The following GCNT4 variants were observed in gnomAD, a reference collection of about 807,000 sequenced individuals.
The protein encoded by GCNT4 is beta-1,3-galactosyl-O-glycosyl-glycoprotein beta-1,6-N-acetylglucosaminyltransferase 4.
GCNT4 carries 17 observed loss-of-function variants against 31.3 expected under a neutral mutation model. That is an observed-to-expected ratio of 0.54 (90% CI 0.37 to 0.81). GCNT4 has a LOEUF of 0.81. GCNT4 is among the 40% of genes least tolerant of loss of function. GCNT4 has a pLI of 0.00. For missense variants in GCNT4, 503 were observed against 525.5 expected (o/e 0.96, Z 0.42); for synonymous variants, 158 against 190.6 (o/e 0.83, Z 1.41).
intron 2 of GCNT4, among the ~76,000 whole-genome samples, chr5:75,050,906 G>A (rs1031911106): frequency 3.9e-5 from 6 of 152,232 alleles, no homozygotes; most frequent in African/African-American, 1.4e-4. Flanking sequence ...CATTCTCCAC[G>A]GGGCAGCTGG....
Position 75,029,202 on chromosome 5 carries a change from A to ACAT in GCNT4, c.833_835dup (p.Tyr278_Val279insAsp). On this transcript the variant is annotated inframe_insertion, in exon 4 of 4. Transcript: ENST00000652361. Reference sequence around the variant, plus strand: ...GATGTTTGTCCTTATTGGTAGCTTCACATATTCATAAGGCACCCGTCTAAG... The same window carrying ACAT: ...GATGTTTGTCCTTATTGGTAGCTTCACATCATATTCATAAGGCACCCGTCTAAG... The ACAT allele has an allele frequency of 6.2e-7, 1 of 1,613,990 alleles. No homozygotes were observed.
chr5:75,033,186 C>T (rs989351621), intron 3 of GCNT4, among the ~76,000 whole-genome samples: 1 of 152,202 alleles, frequency 6.6e-6, no homozygotes, highest in African/African-American at 2.4e-5. Context: ...AAGACAAAGG[C>T]CAGCTCCCTG....
Position 75,028,487 on chromosome 5 carries a change from TA to T in GCNT4, c.*188del. 1.8e-6 allele frequency: 1 copy of T among 565,936 alleles called. No individual in the cohort carries two copies. The highest frequency in any genetic ancestry group is 3.0e-6 in the Non-Finnish European group (1 of 332,518). 35.1% of individuals were successfully genotyped at this position (565,936 alleles called of 1,614,324 possible). A position where few individuals can be genotyped will look rare whatever the true frequency, so the allele number is the denominator to read the frequency against. On this transcript the variant is annotated 3_prime_UTR_variant, in exon 4 of 4. Transcript: ENST00000652361. ...TGAGATTACAAGCAAAAACAAATAT[TA>T]AAAAAACCTAGCCAACTGCAGGCTA...
At chr5:75,033,262 G>A (rs1439617911) in intron 3 of GCNT4, among the ~76,000 whole-genome samples, 1 of 152,184 alleles carries the variant, frequency 6.6e-6, no homozygotes, top group African/African-American at 2.4e-5. Context: ...AGAAGGCCTG[G>A]GGCACACACA....
intron 3 of GCNT4, among the ~76,000 whole-genome samples, chr5:75,043,195 T>G (rs62369189): frequency 1.3e-5 from 2 of 152,204 alleles, no homozygotes; most frequent in Non-Finnish European, 2.9e-5. Flanking sequence ...ATGTCAACTG[T>G]ATACAAAGCA....
chr5:75,040,443 G>C (rs1692131976), intron 3 of GCNT4, among the ~76,000 whole-genome samples: 1 of 152,182 alleles, frequency 6.6e-6, no homozygotes, highest in Admixed American at 6.5e-5. Context: ...TCCATACCTG[G>C]TACGGGGTAG....
upstream of GCNT4, among the ~76,000 whole-genome samples, chr5:75,053,510 C>T (rs1032507383): frequency 1.3e-5 from 2 of 152,150 alleles, no homozygotes; most frequent in Non-Finnish European, 2.9e-5. Context: ...GCCAAGTCGA[C>T]TTACGAGAGG....
At chr5:75,040,795 A>G (rs956458888) in intron 3 of GCNT4, among the ~76,000 whole-genome samples, 16 of 152,344 alleles carry the variant, frequency 1.1e-4, no homozygotes, top group African/African-American at 3.8e-4. Flanking sequence ...TCATTCTGAC[A>G]TTCTAATCAT....
At chr5:75,030,920 A>T (rs1743046928) in intron 3 of GCNT4, 1 of 167,008 alleles carries the variant, frequency 6.0e-6, no homozygotes. Context: ...TCCATGCTAT[A>T]ATATGTGAAA....
chr5:75,036,034 A>T (rs780291407), intron 3 of GCNT4, among the ~76,000 whole-genome samples: 23 of 152,192 alleles, frequency 1.5e-4, no homozygotes, highest in Non-Finnish European at 2.4e-4. Context: ...GTCCATAACA[A>T]AATCTATGCA....
Position 75,026,622 on chromosome 5 carries a change from C to A in GCNT4, c.*2054G>T, listed in dbSNP as rs1178193892. 8.3e-6 allele frequency: 1 copy of A among 120,724 alleles called. No homozygotes were observed. The highest frequency in any genetic ancestry group is 1.1e-4 in the Admixed American group (1 of 9,388). 7.5% of individuals were successfully genotyped at this position (120,724 alleles called of 1,614,324 possible). A position where few individuals can be genotyped will look rare whatever the true frequency, so the allele number is the denominator to read the frequency against. On this transcript the variant is annotated 3_prime_UTR_variant, in exon 4 of 4. Transcript: ENST00000652361. ...GTTTGTACCTATTTTCAAACCACTTCATATACTATTTCAATCGATTCTCAC... is the reference window on the plus strand; with the variant it reads ...GTTTGTACCTATTTTCAAACCACTTAATATACTATTTCAATCGATTCTCAC...
the GCNT4 span, among the ~76,000 whole-genome samples, chr5:75,018,919 G>A: frequency 5.6e-3 from 854 of 152,256 alleles, 6 homozygotes; most frequent in African/African-American, 0.02. Context: ...GGAGGATGAC[G>A]AGAGAGAGGA....
chr5:75,020,042 AAG>A, the GCNT4 span, among the ~76,000 whole-genome samples: 1 of 152,222 alleles, frequency 6.6e-6, no homozygotes, highest in Non-Finnish European at 1.5e-5. Flanking sequence ...GTCAGGAAAA[AAG>A]AGTTTTTGGC....
chr5:75,029,612 A>T lies in GCNT4; in HGVS notation c.426T>A (p.Asp142Glu). 1 of 1,614,144 alleles carries T rather than the reference A, an allele frequency of 6.2e-7. No individual in the cohort carries two copies. Among genetic ancestry groups the T allele is most frequent in the Non-Finnish European group, 8.5e-7 (1 of 1,180,036 alleles). Residue 142 changes from aspartate (D) to glutamate (E), a missense_variant, in exon 4 of 4, where the codon GAT (aspartate) becomes GAA (glutamate). Coordinates refer to ENST00000652361, the MANE Select transcript of GCNT4 (RefSeq NM_001366737.1). Reference protein sequence around the residue: ...PIAYSLVVHKDAIMVERLIHA... With the variant: ...PIAYSLVVHKEAIMVERLIHA... ...GGATAAGCCTTTCAACCATAATTGC[A>T]TCTTTGTGGACAACCAAAGAATAGG... is the stretch of plus-strand genomic sequence containing the variant.
chr5:75,053,533 C>A (rs1026724638), upstream of GCNT4, among the ~76,000 whole-genome samples: 59 of 152,216 alleles, frequency 3.9e-4, no homozygotes, highest in African/African-American at 1.3e-3. Context: ...GCGGGCCAGC[C>A]CCGAACGCGG....
chr5:75,044,374 A>C (rs1031064020), intron 3 of GCNT4, among the ~76,000 whole-genome samples: 1 of 150,372 alleles, frequency 6.7e-6, no homozygotes, highest in Non-Finnish European at 1.5e-5. Context: ...TTCTGTGTAC[A>C]TCATACAGGT....
the GCNT4 span, among the ~76,000 whole-genome samples, chr5:75,019,334 C>A: frequency 1.3e-5 from 2 of 152,212 alleles, no homozygotes; most frequent in Non-Finnish European, 2.9e-5. Flanking sequence ...CCAGCTTCCA[C>A]AAGCGTGAGA....
At chr5:75,042,554 G>A (rs918162735) in intron 3 of GCNT4, among the ~76,000 whole-genome samples, 3 of 152,208 alleles carry the variant, frequency 2.0e-5, no homozygotes, top group Admixed American at 6.5e-5. Context: ...CGCAGAGGCA[G>A]CACAGGGATA....
At chr5:75,022,838 A>G (rs572586336), downstream of GCNT4, among the ~76,000 whole-genome samples, 12 of 152,330 alleles carry the variant, frequency 7.9e-5, no homozygotes, top group African/African-American at 2.4e-4. Flanking sequence ...TATAACTCCC[A>G]TCCTCATGGT....
Sources: allele counts gnomAD v4.1 joint callset (sites outside exome capture counted in the v4.1 genomes callset), GRCh38; gene constraint gnomAD v4.1.1; transcripts MANE v1.5; gene names NCBI Gene and HGNC (gene_info 2026-07-23, HGNC 2026-07-21).